REL: variants seen among roughly 807,000 people sequenced by gnomAD.
The protein encoded by REL is REL proto-oncogene, NF-kB subunit.
A neutral mutation model predicts 45.9 loss-of-function variants in REL; 15 were observed. The ratio of observed to expected loss-of-function variants is 0.33; its 90% CI spans 0.22 to 0.50. The LOEUF is 0.50. REL is among the 20% of genes least tolerant of loss of function. The pLI is 0.98. For synonymous variants in REL, 239 were observed against 242.1 expected (o/e 0.99, Z 0.12); for missense variants, 601 against 715.2 (o/e 0.84, Z 1.82).
In REL at chr2:60,924,082, G is replaced by T. The variant is rs916152089; in HGVS notation, c.*1547G>T. 1.7e-5 allele frequency: 4 copies of T among 231,522 alleles called. No individual in the cohort carries two copies. The highest frequency in any genetic ancestry group is 3.4e-5 in the Non-Finnish European group (4 of 117,028). The allele number at this position is 231,522 out of a possible 1,614,324, so 14.3% of individuals were successfully genotyped here. A position where few individuals can be genotyped will look rare whatever the true frequency, so the allele number is the denominator to read the frequency against. ...ACAGTCTGTACTTGGTATTCCCTCT[G>T]CCTTGAATGTTGTTCTCCCAGAAAA... On this transcript the variant is annotated 3_prime_UTR_variant, in exon 10 of 10. Transcript: ENST00000394479.
At position 60,924,075 on chromosome 2, in the gene REL, T is replaced by G; in HGVS notation, c.*1540T>G. ...GCCTTGGACAGTCTGTACTTGGTAT[T>G]CCCTCTGCCTTGAATGTTGTTCTCC... On this transcript the variant is annotated 3_prime_UTR_variant, in exon 10 of 10. Coordinates refer to ENST00000394479, the MANE Select transcript of REL (RefSeq NM_001291746.2). 1 of 231,862 alleles carries G rather than the reference T, an allele frequency of 4.3e-6. No homozygotes were observed. The highest frequency in any genetic ancestry group is 8.5e-6 in the Non-Finnish European group (1 of 117,078). The allele number at this position is 231,862 out of a possible 1,614,324, so 14.4% of individuals were successfully genotyped here.
Position 60,917,018 on chromosome 2 carries a change from G to GT in REL, c.535+2dup, listed in dbSNP as rs1673986583. On this transcript the variant is annotated splice_donor_variant, in intron 5 of 9. Transcript: ENST00000394479. LOFTEE classifies it high-confidence loss of function. ...GTCTCGAACCCAATTTATGACAACC[G>GT]TAAGTACTTCATTTTCTTATATTTG... 2 of 1,606,654 alleles carry GT rather than the reference G, an allele frequency of 1.2e-6. No homozygotes were observed. Among genetic ancestry groups the GT allele is most frequent in the South Asian group, 2.2e-5 (2 of 89,896 alleles).
chr2:60,919,690 G>A (rs1187157072), intron 7 of REL, among the ~76,000 whole-genome samples: 1 of 152,142 alleles, frequency 6.6e-6, no homozygotes, highest in South Asian at 2.1e-4. Flanking sequence ...CTCCCAAAGT[G>A]CTGGGATTGC....
intron 4 of REL, among the ~76,000 whole-genome samples, chr2:60,913,204 A>G (rs1397440827): frequency 6.6e-6 from 1 of 152,028 alleles, no homozygotes; most frequent in African/African-American, 2.4e-5. Flanking sequence ...GTTACTTTAA[A>G]TTATATGTCT....
At chr2:60,883,546 G>C (rs1673000362) in intron 1 of REL, among the ~76,000 whole-genome samples, 1 of 152,178 alleles carries the variant, frequency 6.6e-6, no homozygotes, top group Admixed American at 6.5e-5. Flanking sequence ...ATTTTGTTTG[G>C]AAGTAATGGA....
At position 60,922,008 on chromosome 2, in the gene REL, C is replaced by G; in HGVS notation, c.1237C>G (p.Pro413Ala). The change falls in exon 10 of 10, where the codon CCA (proline) becomes GCA (alanine). Residue 413 changes from proline (P) to alanine (A), a missense_variant. Transcript: ENST00000394479. ...TLPSNSQGIP[P>A]FLRIPVGNDL... ...TCCTTCTAATTCGCAAGGTATCCCA[C>G]CATTCCTGAGAATACCTGTTGGGAA... 6.2e-7 allele frequency: 1 copy of G among 1,614,182 alleles called. No individual in the cohort carries two copies. Among genetic ancestry groups the G allele is most frequent in the Non-Finnish European group, 8.5e-7 (1 of 1,180,028 alleles).
chr2:60,906,688 C>T (rs1262590342), intron 4 of REL, among the ~76,000 whole-genome samples: 1 of 151,924 alleles, frequency 6.6e-6, no homozygotes, highest in African/African-American at 2.4e-5. Flanking sequence ...TACCTCTGTG[C>T]TTTTATACAT....
Position 60,881,758 on chromosome 2 carries a change from C to T in REL, c.-83C>T, listed in dbSNP as rs1672941404. On this transcript the variant is annotated 5_prime_UTR_variant, in exon 1 of 10. Transcript: ENST00000394479. ...CTGGGGGCCCCGCCGGCAGAGGTCC[C>T]TCGGCCTCCTGACTGACTGACTGCG... 3 of 1,324,738 alleles carry T rather than the reference C, an allele frequency of 2.3e-6. No homozygotes were observed. Among genetic ancestry groups the T allele is most frequent in the Non-Finnish European group, 3.1e-6 (3 of 960,496 alleles). 82.1% of individuals were successfully genotyped at this position (1,324,738 alleles called of 1,614,324 possible).
chr2:60,921,738 G>A (rs760047893), intron 9 of REL, 25 bp from the exon 10 acceptor site: 19 of 1,551,398 alleles, frequency 1.2e-5, no homozygotes, highest in East Asian at 2.3e-5. Flanking sequence ...TTTTAATTTC[G>A]TAAAATAAAT....
chr2:60,916,871 A>G lies in REL; in HGVS notation c.395-6A>G, dbSNP rs754425017. 16 of 1,605,270 alleles carry G rather than the reference A, an allele frequency of 1.0e-5. No homozygotes were observed. The South Asian group carries it at 1.7e-4, about 17-fold the overall frequency. ...TACATTTAAAAAATTTTTTTTTTCT[A>G]TTCAGTCCCTGAAAAACAGCTGAAT... On this transcript the variant is annotated splice_polypyrimidine_tract_variant and splice_region_variant and intron_variant, in intron 4 of 9. Transcript: ENST00000394479.
chr2:60,921,717 A>G, intron 9 of REL, 46 bp from the exon 10 acceptor site: 1 of 1,498,240 alleles, frequency 6.7e-7, no homozygotes, highest in African/African-American at 1.4e-5. Flanking sequence ...TGCTTTTTAT[A>G]ATTTTGTTCA....
intron 1 of REL, among the ~76,000 whole-genome samples, chr2:60,886,714 C>T (rs918520625): frequency 2.0e-5 from 3 of 151,808 alleles, no homozygotes; most frequent in Admixed American, 6.6e-5. Flanking sequence ...TGTCTATTTC[C>T]GATAATTTAT....
chr2:60,914,407 AT>A (rs955111276), intron 4 of REL, among the ~76,000 whole-genome samples: 5 of 152,040 alleles, frequency 3.3e-5, no homozygotes, highest in African/African-American at 4.8e-5. Context: ...ATAAACAGTG[AT>A]TTTTTTTGAG....
chr2:60,892,992 A>G (rs989766903), intron 2 of REL, among the ~76,000 whole-genome samples: 1 of 152,148 alleles, frequency 6.6e-6, no homozygotes, highest in African/African-American at 2.4e-5. Context: ...TGACCTCGTG[A>G]TCCGACTGCC....
intron 4 of REL, among the ~76,000 whole-genome samples, chr2:60,909,463 T>C (rs77935605): frequency 6.6e-6 from 1 of 152,100 alleles, no homozygotes; most frequent in East Asian, 1.9e-4. Flanking sequence ...TTTTTTTTTT[T>C]CTATTATTTG....
chr2:60,905,674 G>A (rs957005986), intron 4 of REL, among the ~76,000 whole-genome samples: 3 of 152,088 alleles, frequency 2.0e-5, no homozygotes, highest in African/African-American at 4.8e-5. Flanking sequence ...AGGAGAGACC[G>A]AGACAAGTTT....
intron 9 of REL, among the ~76,000 whole-genome samples, chr2:60,921,203 T>G (rs1466112365): frequency 1.3e-5 from 2 of 152,194 alleles, no homozygotes. Flanking sequence ...TTTTCCTGGT[T>G]TAGTTTGTAA....
rs571165907 is a variant in REL, at chr2:60,927,771, G to A, written c.*5236G>A. 3.5e-5 allele frequency: 8 copies of A among 228,900 alleles called. No homozygotes were observed. The highest frequency in any genetic ancestry group is 3.7e-4 in the South Asian group (2 of 5,476). The allele number at this position is 228,900 out of a possible 1,614,324, so 14.2% of individuals were successfully genotyped here. Reference sequence around the variant, plus strand: ...TGCATAAAGGGGACTAATTTTAAATGTACAGCTTAATTAATTTTTATGTAT... The same window carrying A: ...TGCATAAAGGGGACTAATTTTAAATATACAGCTTAATTAATTTTTATGTAT... On this transcript the variant is annotated 3_prime_UTR_variant, in exon 10 of 10. Coordinates refer to ENST00000394479, the MANE Select transcript of REL (RefSeq NM_001291746.2).
At chr2:60,913,578 C>T (rs559243122) in intron 4 of REL, among the ~76,000 whole-genome samples, 1 of 152,264 alleles carries the variant, frequency 6.6e-6, no homozygotes, top group African/African-American at 2.4e-5. Flanking sequence ...TATCAGATCC[C>T]ACATCCTTGG....
Sources: gnomAD v4.1 joint callset for allele counts (sites outside exome capture counted in the v4.1 genomes callset) on GRCh38, gnomAD v4.1.1 for gene constraint, MANE v1.5 for transcripts, NCBI Gene and HGNC (gene_info 2026-07-23, HGNC 2026-07-21) for gene names.